Variants in PCDHAC1 observed in about 807,000 individuals in gnomAD.
PCDHAC1 encodes protocadherin alpha subfamily C, 1.
A neutral mutation model predicts 60.0 loss-of-function variants in PCDHAC1; 42 were observed. That is an observed-to-expected ratio of 0.70 (90% CI 0.55 to 0.90). The LOEUF is 0.90. Among genes scored for constraint, PCDHAC1 ranks in the 40% least tolerant of loss-of-function variants. PCDHAC1 has a pLI of 0.00. For synonymous variants in PCDHAC1, 468 were observed against 499.3 expected (o/e 0.94, Z 0.84); for missense variants, 1,160 against 1,222.3 (o/e 0.95, Z 0.76).
chr5:140,967,451 G>A, intron 1 of PCDHAC1: 2 of 1,613,628 alleles, frequency 1.2e-6, no homozygotes, highest in South Asian at 2.2e-5. Flanking sequence ...GGTTCTCACA[G>A]CCGTGGATGG....
chr5:140,982,648 G>T, intron 3 of PCDHAC1, 85 bp downstream of exon 3: 5 of 1,508,154 alleles, frequency 3.3e-6, no homozygotes, highest in Non-Finnish European at 4.4e-6. Flanking sequence ...GAATGTTGAT[G>T]GCTCTTTTTC....
chr5:140,977,232 A>G (rs2096751038), intron 1 of PCDHAC1, among the ~76,000 whole-genome samples: 1 of 152,368 alleles, frequency 6.6e-6, no homozygotes, highest in East Asian at 1.9e-4. Flanking sequence ...ACCCAATCAT[A>G]GAAAAATTGG....
chr5:140,942,518 G>A (rs2093312014), intron 1 of PCDHAC1, among the ~76,000 whole-genome samples: 1 of 151,908 alleles, frequency 6.6e-6, no homozygotes, highest in Non-Finnish European at 1.5e-5. Flanking sequence ...ACTCAGAGGG[G>A]AAGCAACTAA....
At chr5:140,996,650 G>A (rs943173536) in intron 3 of PCDHAC1, among the ~76,000 whole-genome samples, 2 of 152,042 alleles carry the variant, frequency 1.3e-5, no homozygotes, top group Non-Finnish European at 2.9e-5. Context: ...GTTAATCCTG[G>A]GTGCAGGCTA....
At chr5:140,962,318 A>G (rs2095672102) in intron 1 of PCDHAC1, among the ~76,000 whole-genome samples, 1 of 152,338 alleles carries the variant, frequency 6.6e-6, no homozygotes, top group South Asian at 2.1e-4. Context: ...GGCCATCTCA[A>G]TTGAGAATAC....
intron 1 of PCDHAC1, among the ~76,000 whole-genome samples, chr5:140,972,087 A>G (rs1372467840): frequency 3.3e-5 from 5 of 152,192 alleles, no homozygotes; most frequent in Non-Finnish European, 7.3e-5. Context: ...AAAAAGAGTA[A>G]TTTCTGGCAT....
chr5:140,926,864 T>C lies in PCDHAC1; in HGVS notation c.-29T>C. On this transcript the variant is annotated 5_prime_UTR_variant, in exon 1 of 4. Transcript: ENST00000253807. ...CCTGGGTCACCGTTGGTGTAGCGTG[T>C]TGGTGGAACGTGGACGCCTAGAGGG... is the stretch of plus-strand genomic sequence containing the variant. 6.6e-7 allele frequency: 1 copy of C among 1,522,480 alleles called. No homozygotes were observed. Among genetic ancestry groups the C allele is most frequent in the South Asian group, 1.3e-5 (1 of 76,222 alleles). The allele number at this position is 1,522,480 out of a possible 1,614,324, so 94.3% of individuals were successfully genotyped here.
intron 1 of PCDHAC1, among the ~76,000 whole-genome samples, chr5:140,958,658 A>T (rs1207660771): frequency 6.6e-6 from 1 of 152,174 alleles, no homozygotes; most frequent in African/African-American, 2.4e-5. Flanking sequence ...GAAAGCTATG[A>T]TGAAATTTTA....
chr5:140,966,724 C>G (rs1357964806), intron 1 of PCDHAC1: 25 of 1,396,170 alleles, frequency 1.8e-5, no homozygotes, highest in Non-Finnish European at 2.3e-5. Context: ...GGGAAGCTGC[C>G]GCCTCCGGCC....
chr5:140,946,165 G>C (rs1554217364), intron 1 of PCDHAC1, among the ~76,000 whole-genome samples: 1 of 151,838 alleles, frequency 6.6e-6, no homozygotes, highest in Non-Finnish European at 1.5e-5. Context: ...TTAAAAGATG[G>C]GTAAAGGATG....
intron 3 of PCDHAC1, among the ~76,000 whole-genome samples, chr5:140,997,851 C>T (rs1400770612): frequency 6.6e-6 from 1 of 152,122 alleles, no homozygotes. Flanking sequence ...CATTCTTATA[C>T]ATATTTCTTA....
chr5:140,981,612 T>C (rs2096940396), intron 2 of PCDHAC1, among the ~76,000 whole-genome samples: 1 of 152,110 alleles, frequency 6.6e-6, no homozygotes, highest in Non-Finnish European at 1.5e-5. Context: ...CCTCTAATTT[T>C]GATGAGGGTT....
At chr5:140,983,481 T>A (rs782574681) in intron 3 of PCDHAC1, among the ~76,000 whole-genome samples, 2 of 152,226 alleles carry the variant, frequency 1.3e-5, no homozygotes, top group Non-Finnish European at 2.9e-5. Context: ...TAATAGTAGT[T>A]ACTAATTATT....
At chr5:140,987,429 G>T (rs1402576200) in intron 3 of PCDHAC1, among the ~76,000 whole-genome samples, 2 of 152,096 alleles carry the variant, frequency 1.3e-5, no homozygotes, top group Admixed American at 1.3e-4. Flanking sequence ...GAAGCAGGGG[G>T]CCTTTCCCCA....
intron 3 of PCDHAC1, among the ~76,000 whole-genome samples, chr5:140,984,922 C>T (rs2097125803): frequency 6.6e-6 from 1 of 152,074 alleles, no homozygotes; most frequent in Non-Finnish European, 1.5e-5. Flanking sequence ...TAGTGCTTGA[C>T]ATATAGTTAA....
chr5:140,946,875 G>T (rs1283632599), intron 1 of PCDHAC1, among the ~76,000 whole-genome samples: 1 of 151,288 alleles, frequency 6.6e-6, no homozygotes, highest in Non-Finnish European at 1.5e-5. Flanking sequence ...TGGTCAATGG[G>T]TACGAAGTTA....
chr5:140,928,106 G>GGGA lies in PCDHAC1; in HGVS notation c.1216_1218dup (p.Glu406dup), dbSNP rs2084940814. The stretch of plus-strand genomic sequence containing the variant: ...CTGCTGATTGATGGGCCCCTGGACC[G>GGGA]GGAGCAGATCAGTGAATACCAAGTC... On this transcript the variant is annotated inframe_insertion, in exon 1 of 4. Coordinates refer to ENST00000253807, the MANE Select transcript of PCDHAC1 (RefSeq NM_018898.5). The GGGA allele has an allele frequency of 1.9e-6, 3 of 1,614,032 alleles. No individual in the cohort carries two copies. In the South Asian group the frequency reaches 3.3e-5, roughly 18 times the overall value.
chr5:140,992,584 T>C (rs1327367703), intron 3 of PCDHAC1, among the ~76,000 whole-genome samples: 1 of 152,194 alleles, frequency 6.6e-6, no homozygotes, highest in Non-Finnish European at 1.5e-5. Context: ...CTGCCTTGTA[T>C]GCATCTAGCG....
At chr5:140,967,695 T>C (rs782761674) in intron 1 of PCDHAC1, 5 of 1,614,184 alleles carry the variant, frequency 3.1e-6, no homozygotes, top group Admixed American at 1.7e-5. Flanking sequence ...CTCTTCAGCA[T>C]AGATGCCAGT....
Sources: gnomAD v4.1 joint callset for allele counts (sites outside exome capture counted in the v4.1 genomes callset) on GRCh38, gnomAD v4.1.1 for gene constraint, MANE v1.5 for transcripts, NCBI Gene and HGNC (gene_info 2026-07-23, HGNC 2026-07-21) for gene names.